Variants in USP31 observed in about 807,000 individuals in gnomAD.
USP31 encodes the protein ubiquitin specific peptidase 31, also known as ubiquitin carboxyl-terminal hydrolase 31.
Under a neutral mutation model 119.4 loss-of-function variants are expected in USP31, and 44 were observed. The observed-to-expected ratio is 0.37, with a 90% confidence interval of 0.29 to 0.47. USP31 has a LOEUF of 0.47. Among genes scored for constraint, USP31 ranks in the 20% least tolerant of loss-of-function variants. The probability of loss-of-function intolerance (pLI) is 0.99; values close to 1 mark genes in which losing one functional copy is unlikely to be tolerated. For synonymous variants in USP31, 749 were observed against 705.6 expected (o/e 1.06, Z -0.97); for missense variants, 1,643 against 1,730.2 (o/e 0.95, Z 0.89).
At position 23,067,878 on chromosome 16, in the gene USP31, A is replaced by T; in HGVS notation, c.*168T>A. On this transcript the variant is annotated 3_prime_UTR_variant, in exon 16 of 16. Coordinates refer to ENST00000219689, the MANE Select transcript of USP31 (RefSeq NM_020718.4). ...GCAGAATAAGGCGACGCTTTGAACA[A>T]TTTGCAATTGAATTAGACACACACA... 1 of 867,696 alleles carries T rather than the reference A, an allele frequency of 1.2e-6. No homozygotes were observed. The highest frequency in any genetic ancestry group is 1.7e-6 in the Non-Finnish European group (1 of 598,958). The allele number at this position is 867,696 out of a possible 1,614,324, so 53.7% of individuals were successfully genotyped here. A position where few individuals can be genotyped will look rare whatever the true frequency, so the allele number is the denominator to read the frequency against.
In USP31 at chr16:23,084,881, T is replaced by A; in HGVS notation, c.1809A>T (p.Gln603His). The A allele has an allele frequency of 6.2e-7, 1 of 1,614,006 alleles. No homozygotes were observed. Residue 603 changes from glutamine to histidine, a missense_variant, in exon 11 of 16, where the codon CAA becomes CAT. Around this residue, in one of 5 missense-constraint regions of USP31, gnomAD observed 279 missense variants for 372.2 expected, o/e 0.75. Coordinates refer to ENST00000219689, the MANE Select transcript of USP31 (RefSeq NM_020718.4). ...TTACCCGCTCCTCTTTGGTGTACAG[T>A]TGGAAACACTGGGATAAAGTGCAGG... Reference protein sequence around the residue: ...PQTCTLSQCFQLYTKEERLAP... With the variant: ...PQTCTLSQCFHLYTKEERLAP...
intron 1 of USP31, among the ~76,000 whole-genome samples, chr16:23,117,127 CATTTCAG>C (rs1387803095): frequency 6.6e-6 from 1 of 152,152 alleles, no homozygotes; most frequent in Non-Finnish European, 1.5e-5. Context: ...AATTTTGGAG[CATTTCAG>C]ATTTCAGATT....
intron 1 of USP31, among the ~76,000 whole-genome samples, chr16:23,142,530 G>A (rs965051075): frequency 6.6e-6 from 1 of 152,150 alleles, no homozygotes; most frequent in Non-Finnish European, 1.5e-5. Flanking sequence ...CCAGGCCCAG[G>A]ACCCAGTTTG....
At chr16:23,121,913 C>T (rs952150243) in intron 1 of USP31, among the ~76,000 whole-genome samples, 3 of 152,128 alleles carry the variant, frequency 2.0e-5, no homozygotes, top group Non-Finnish European at 4.4e-5. Flanking sequence ...GTACAAAATA[C>T]ATTCATTACA....
Position 23,108,203 on chromosome 16 carries a change from A to C in USP31, c.634-20T>G. The C allele has an allele frequency of 6.3e-7, 1 of 1,587,292 alleles. No individual in the cohort carries two copies. Among genetic ancestry groups the C allele is most frequent in the Admixed American group, 1.8e-5 (1 of 54,738 alleles). ...AATAGTCTATGCAGGTAAATAAATC[A>C]CCATGAACAGCTGTGAGTTCCTGGC... is the stretch of plus-strand genomic sequence containing the variant. On this transcript the variant is annotated intron_variant, in intron 1 of 15. Coordinates refer to ENST00000219689, the MANE Select transcript of USP31 (RefSeq NM_020718.4).
intron 1 of USP31, among the ~76,000 whole-genome samples, chr16:23,135,108 T>C (rs1294125485): frequency 1.3e-5 from 2 of 149,610 alleles, no homozygotes; most frequent in African/African-American, 2.5e-5. Context: ...AAGAAAGCAT[T>C]TGACAAAATT....
At chr16:23,132,704 T>C (rs907787563) in intron 1 of USP31, among the ~76,000 whole-genome samples, 1 of 152,204 alleles carries the variant, frequency 6.6e-6, no homozygotes, top group African/African-American at 2.4e-5. Flanking sequence ...CTGAAAATGG[T>C]AACATTCAAT....
At chr16:23,090,969 G>T (rs138301008) in intron 6 of USP31, among the ~76,000 whole-genome samples, 165 bp from the exon 7 acceptor site, 1 of 152,066 alleles carries the variant, frequency 6.6e-6, no homozygotes, top group Non-Finnish European at 1.5e-5. Context: ...TCATCTAGCC[G>T]TTAGAGAATT....
chr16:23,069,586 C>G lies in USP31; in HGVS notation c.2519G>C (p.Ser840Thr), dbSNP rs759389033. ...GGATGACAAACTCTGACGCTGGACA[C>G]TTCTCACAAATGGTCGAGTTGAAAA... The part of the protein sequence containing the change: ...GGFSTRPFVR[S>T]VQRQSLSSRS... Residue 840 changes from serine (S) to threonine (T), a missense_variant, in exon 16 of 16, where the codon AGT becomes ACT. Coordinates refer to ENST00000219689, the MANE Select transcript of USP31 (RefSeq NM_020718.4). 2 of 1,610,736 alleles carry G rather than the reference C, an allele frequency of 1.2e-6. No individual in the cohort carries two copies. Among genetic ancestry groups the G allele is most frequent in the East Asian group, 2.2e-5 (1 of 44,774 alleles).
At chr16:23,094,560 C>T (rs1901517313) in intron 6 of USP31, among the ~76,000 whole-genome samples, 2 of 152,204 alleles carry the variant, frequency 1.3e-5, no homozygotes, top group Non-Finnish European at 1.5e-5. Flanking sequence ...GGGTCCCTGA[C>T]TCCCATGTAG....
intron 1 of USP31, among the ~76,000 whole-genome samples, chr16:23,126,320 TAAAAAAA>T (rs71279502): frequency 9.3e-6 from 1 of 107,190 alleles, no homozygotes; most frequent in South Asian, 3.1e-4. Context: ...CCTGTCTCTT[TAAAAAAA>T]AAAAAAAAAA....
intron 1 of USP31, among the ~76,000 whole-genome samples, chr16:23,117,367 T>C (rs1176249787): frequency 6.6e-6 from 1 of 152,214 alleles, no homozygotes; most frequent in Non-Finnish European, 1.5e-5. Context: ...GTGGCAAGGA[T>C]TCATTGCTGA....
intron 5 of USP31, among the ~76,000 whole-genome samples, chr16:23,103,923 C>A (rs977773409): frequency 6.6e-6 from 1 of 151,896 alleles, no homozygotes. Context: ...TCAATCAATC[C>A]ATACATACAT....
intron 15 of USP31, among the ~76,000 whole-genome samples, chr16:23,070,557 C>T (rs1900302552): frequency 6.6e-6 from 1 of 151,806 alleles, no homozygotes; most frequent in Non-Finnish European, 1.5e-5. Flanking sequence ...ACTAAAAATA[C>T]AAAAAAATTA....
At chr16:23,147,901 A>G (rs1903570201) in intron 1 of USP31, among the ~76,000 whole-genome samples, 1 of 152,234 alleles carries the variant, frequency 6.6e-6, no homozygotes, top group South Asian at 2.1e-4. Flanking sequence ...ACTGCACTCC[A>G]GCCTGGGCAA....
chr16:23,082,554 C>T lies in USP31; in HGVS notation c.1834G>A (p.Ala612Thr). The T allele has an allele frequency of 6.2e-7, 1 of 1,614,064 alleles. No individual in the cohort carries two copies. The highest frequency in any genetic ancestry group is 8.5e-7 in the Non-Finnish European group (1 of 1,180,012). Residue 612 changes from alanine (A) to threonine (T), a missense_variant, in exon 12 of 16, where the codon GCC becomes ACC. Ala to Thr is a moderately conservative substitution (Grantham distance 58). Around this residue, in one of 5 missense-constraint regions of USP31, gnomAD observed 279 missense variants for 372.2 expected, o/e 0.75. Transcript: ENST00000219689. The stretch of plus-strand genomic sequence containing the variant: ...GGGCAACGCCAGGCATCATCGGGGG[C>T]AAGCTGAAAACAGAAGCATGACTCC... ...FQLYTKEERLAPDDAWRCPHC... is the reference protein window; with the variant it reads ...FQLYTKEERLTPDDAWRCPHC...
In USP31 at chr16:23,102,400, C is replaced by G. The variant is rs1044801743; in HGVS notation, c.1153G>C (p.Glu385Gln). 1 of 1,612,032 alleles carries G rather than the reference C, an allele frequency of 6.2e-7. No homozygotes were observed. Among genetic ancestry groups the G allele is most frequent in the Non-Finnish European group, 8.5e-7 (1 of 1,178,970 alleles). Reference protein sequence around the residue: ...HRSFCDTDDLETVHESDCIFA... With the variant: ...HRSFCDTDDLQTVHESDCIFA... ...ATGCAGTCGCTTTCATGGACTGTTT[C>G]CAGGTCGTCTGTATCACAAAAGGAA... Residue 385 changes from glutamate (E) to glutamine (Q), a missense_variant, in exon 6 of 16, where the codon GAA (glutamate) becomes CAA (glutamine). Transcript: ENST00000219689.
At chr16:23,087,980 TG>T (rs1282974159) in intron 7 of USP31, 145 bp from the exon 8 acceptor site, 1 of 676,642 alleles carries the variant, frequency 1.5e-6, no homozygotes, top group African/African-American at 1.8e-5. Flanking sequence ...GGAAATTTAA[TG>T]GTAACTCTTC....
At chr16:23,148,394 T>C (rs910935684) in intron 1 of USP31, among the ~76,000 whole-genome samples, 1 of 152,226 alleles carries the variant, frequency 6.6e-6, no homozygotes, top group Non-Finnish European at 1.5e-5. Flanking sequence ...CATTGCCTAT[T>C]ATCACAGAGT....
Sources: gnomAD v4.1 joint callset for allele counts (sites outside exome capture counted in the v4.1 genomes callset) on GRCh38, gnomAD v4.1.1 for gene constraint, gnomAD v4.1.1 regional missense constraint, MANE v1.5 for transcripts, NCBI Gene and HGNC (gene_info 2026-07-23, HGNC 2026-07-21) for gene names.